The following SARM1 variants were observed in gnomAD, a reference collection of about 807,000 sequenced individuals.
The protein encoded by SARM1 is NAD(+) hydrolase SARM1.
A neutral mutation model predicts 65.1 loss-of-function variants in SARM1; 60 were observed. The ratio of observed to expected loss-of-function variants is 0.92; its 90% CI spans 0.75 to 1.14. The LOEUF (loss-of-function observed/expected upper bound fraction) is 1.14. Ranked by LOEUF, SARM1 falls within the 50% of genes most tolerant of loss-of-function variation. SARM1 has a pLI of 0.00. For missense variants in SARM1, 913 were observed against 1,015.7 expected (o/e 0.90, Z 1.37); for synonymous variants, 417 against 465.4 (o/e 0.90, Z 1.34).
intron 7 of SARM1, 91 bp downstream of exon 7, chr17:28,388,630 C>T (rs1325729471): frequency 5.9e-6 from 8 of 1,348,384 alleles, no homozygotes; most frequent in East Asian, 4.6e-5. Context: ...CTGCACATCC[C>T]GGCACACTTA....
chr17:28,384,286 G>C lies in SARM1; in HGVS notation c.1090-71G>C. ...TGGGTTGTGAGAAGAGACAAGGAGA[G>C]GGACTGGGCACGTGTGGGAGCACCT... On this transcript the variant is annotated intron_variant, in intron 2 of 8. Transcript: ENST00000585482. The surrounding 1 kb of genome is among the most constrained non-coding windows in gnomAD (Gnocchi z 4.4). The C allele has an allele frequency of 7.8e-7, 1 of 1,282,188 alleles. No homozygotes were observed. Among genetic ancestry groups the C allele is most frequent in the East Asian group, 2.4e-5 (1 of 41,768 alleles). The allele number at this position is 1,282,188 out of a possible 1,614,324, so 79.4% of individuals were successfully genotyped here.
chr17:28,385,034 G>T lies in SARM1; in HGVS notation c.1395-6G>T. ...ACCTCAGCGTCTTCTCCTCCGTGGGGTGCAGGTTCTTTAGGGAGCTCACGG... is the reference window on the plus strand; with the variant it reads ...ACCTCAGCGTCTTCTCCTCCGTGGGTTGCAGGTTCTTTAGGGAGCTCACGG... On this transcript the variant is annotated splice_polypyrimidine_tract_variant and splice_region_variant and intron_variant, in intron 4 of 8. Transcript: ENST00000585482. The surrounding 1 kb of genome is among the most constrained non-coding windows in gnomAD (Gnocchi z 4.5). 6.2e-7 allele frequency: 1 copy of T among 1,612,640 alleles called. No homozygotes were observed. Among genetic ancestry groups the T allele is most frequent in the Non-Finnish European group, 8.5e-7 (1 of 1,178,916 alleles).
In SARM1 at chr17:28,396,234, C is replaced by T; in HGVS notation, c.2123C>T (p.Ser708Phe). The T allele has an allele frequency of 1.2e-6, 2 of 1,614,010 alleles. No homozygotes were observed. The highest frequency in any genetic ancestry group is 1.7e-6 in the Non-Finnish European group (2 of 1,179,866). Reference protein sequence around the residue: ...FLQGRSSRDSSAGSDTSLEGA... With the variant: ...FLQGRSSRDSFAGSDTSLEGA... ...CAGGGCCGCTCCTCCCGGGACTCATCTGCAGGCTCTGACACCAGTTTGGAG... is the reference window on the plus strand; with the variant it reads ...CAGGGCCGCTCCTCCCGGGACTCATTTGCAGGCTCTGACACCAGTTTGGAG... Residue 708 changes from serine (S) to phenylalanine (F), a missense_variant, in exon 9 of 9, where the codon TCT (serine) becomes TTT (phenylalanine). Physicochemically the swap from Ser to Phe is radical, Grantham distance 155. Coordinates refer to ENST00000585482, the MANE Select transcript of SARM1 (RefSeq NM_015077.4).
chr17:28,387,173 A>G (rs1205267067), intron 5 of SARM1, among the ~76,000 whole-genome samples: 3 of 151,966 alleles, frequency 2.0e-5, no homozygotes, highest in Non-Finnish European at 4.4e-5. Context: ...GATTTTAGAA[A>G]GATGTTCTGG....
Position 28,402,138 on chromosome 17 carries a change from G to T in SARM1, c.*5852G>T, listed in dbSNP as rs1369934181. Reference sequence around the variant, plus strand: ...GCCACTTACTTCTCCAGGGTGAGAGGGGGGAAGGCAAGCTGTTCCCCCAGC... The same window carrying T: ...GCCACTTACTTCTCCAGGGTGAGAGTGGGGAAGGCAAGCTGTTCCCCCAGC... On this transcript the variant is annotated 3_prime_UTR_variant, in exon 9 of 9. Coordinates refer to ENST00000585482, the MANE Select transcript of SARM1 (RefSeq NM_015077.4). 4.0e-6 allele frequency: 4 copies of T among 1,012,452 alleles called. No homozygotes were observed. In the East Asian group the frequency reaches 7.9e-5, roughly 20 times the overall value. The allele number at this position is 1,012,452 out of a possible 1,614,324, so 62.7% of individuals were successfully genotyped here.
chr17:28,395,531 G>A (rs2068109841), intron 7 of SARM1: 1 of 193,996 alleles, frequency 5.2e-6, no homozygotes. Flanking sequence ...GCTGGGAGGT[G>A]GGGCTGAAAG....
chr17:28,386,164 G>A (rs533387941), intron 5 of SARM1, among the ~76,000 whole-genome samples: 1 of 152,264 alleles, frequency 6.6e-6, no homozygotes, highest in East Asian at 1.9e-4. Flanking sequence ...AATTAGCTAG[G>A]TGTGGTGGCG....
chr17:28,387,281 A>G (rs1244844248), intron 5 of SARM1, among the ~76,000 whole-genome samples: 1 of 148,538 alleles, frequency 6.7e-6, no homozygotes, highest in East Asian at 2.0e-4. Flanking sequence ...CGCCCAGGCT[A>G]GAGTGCGGTG....
rs2067964580 is a variant in SARM1, at chr17:28,372,575, C to G, written c.470+73C>G. On this transcript the variant is annotated intron_variant, in intron 1 of 8. Transcript: ENST00000585482. This position sits in a 1 kb window ranked among gnomAD's most constrained non-coding sequence, Gnocchi z 5.2. ...GTTAAGCGCCTGCGTTCCCGTGTGC[C>G]TTGCGCCGTGCCTTTGCCTCCCTCA... 2 of 1,238,292 alleles carry G rather than the reference C, an allele frequency of 1.6e-6. No homozygotes were observed. Among genetic ancestry groups the G allele is most frequent in the Non-Finnish European group, 2.2e-6 (2 of 917,484 alleles). The allele number at this position is 1,238,292 out of a possible 1,614,324, so 76.7% of individuals were successfully genotyped here. A position where few individuals can be genotyped will look rare whatever the true frequency, so the allele number is the denominator to read the frequency against.
intron 7 of SARM1, among the ~76,000 whole-genome samples, chr17:28,389,676 A>C (rs1314194113): frequency 6.6e-6 from 1 of 152,190 alleles, no homozygotes; most frequent in Non-Finnish European, 1.5e-5. Flanking sequence ...ACTTGAGGTC[A>C]GGAGTTCGAG....
chr17:28,386,410 G>A (rs972793234), intron 5 of SARM1, among the ~76,000 whole-genome samples: 2 of 151,452 alleles, frequency 1.3e-5, no homozygotes, highest in Non-Finnish European at 2.9e-5. Context: ...TTCCATCATG[G>A]GTGTTCCTTT....
At position 28,381,602 on chromosome 17, in the gene SARM1, G is replaced by A. The variant is rs1555585294; in HGVS notation, c.870G>A (p.Ser290=). 1.3e-6 allele frequency: 2 copies of A among 1,585,738 alleles called. No homozygotes were observed. Among genetic ancestry groups the A allele is most frequent in the Middle Eastern group, 1.7e-4 (1 of 6,012 alleles). Residue 290 remains serine, a synonymous_variant, in exon 2 of 9, where the codon TCG becomes TCA. Coordinates refer to ENST00000585482, the MANE Select transcript of SARM1 (RefSeq NM_015077.4). ...AGGTGGAGCGCGAGGTGGAGCGCTC[G>A]GGCACGCTGGCGCTCGTGGAGCCGC... ...NKEVEREVER[S]GTLALVEPLV... is the part of the protein sequence containing the mutation.
Position 28,384,730 on chromosome 17 carries a change from G to T in SARM1, c.1303-109G>T. On this transcript the variant is annotated intron_variant, in intron 3 of 8. Transcript: ENST00000585482. This position sits in a 1 kb window ranked among gnomAD's most constrained non-coding sequence, Gnocchi z 4.4. The stretch of plus-strand genomic sequence containing the variant: ...TTAGGGTCACTCGGCTCTGATCTAG[G>T]TCCCATCCGCCTCCTCCACGCCATC... 1 of 1,243,280 alleles carries T rather than the reference G, an allele frequency of 8.0e-7. No individual in the cohort carries two copies. The highest frequency in any genetic ancestry group is 1.1e-6 in the Non-Finnish European group (1 of 874,652). The allele number at this position is 1,243,280 out of a possible 1,614,324, so 77.0% of individuals were successfully genotyped here.
Position 28,372,537 on chromosome 17 carries a change from C to A in SARM1, c.470+35C>A. On this transcript the variant is annotated intron_variant, in intron 1 of 8. Coordinates refer to ENST00000585482, the MANE Select transcript of SARM1 (RefSeq NM_015077.4). The surrounding 1 kb of genome is among the most constrained non-coding windows in gnomAD (Gnocchi z 5.2). ...CCAGGCCGGGGTTGGGAGAGCGCCG[C>A]GTGGTGTGGACAGTTAAGCGCCTGC... The A allele has an allele frequency of 6.8e-7, 1 of 1,479,724 alleles. No individual in the cohort carries two copies. Among genetic ancestry groups the A allele is most frequent in the Non-Finnish European group, 9.0e-7 (1 of 1,113,680 alleles). 91.7% of individuals were successfully genotyped at this position (1,479,724 alleles called of 1,614,324 possible).
chr17:28,393,748 CAAGGGCTAACTAT>C (rs1316893097), intron 7 of SARM1, among the ~76,000 whole-genome samples: 5 of 152,104 alleles, frequency 3.3e-5, no homozygotes, highest in African/African-American at 4.8e-5. Flanking sequence ...AAATATTTAG[CAAGGGCTAACTAT>C]AAGGGCTTTG....
chr17:28,389,582 A>C (rs1369927595), intron 7 of SARM1, among the ~76,000 whole-genome samples: 1 of 152,172 alleles, frequency 6.6e-6, no homozygotes, highest in Non-Finnish European at 1.5e-5. Context: ...CAGTCAGCTC[A>C]GAGACAAGAA....
chr17:28,389,623 C>T lies in SARM1; in HGVS notation c.1923+1084C>T, dbSNP rs189995115. On this transcript the variant is annotated intron_variant, in intron 7 of 8. Coordinates refer to ENST00000585482, the MANE Select transcript of SARM1 (RefSeq NM_015077.4). ...CCAGAGGGCTGGGCACAGTGGTTCA[C>T]ACCCGTAATCCCAGCACTTTGGGAG... 3.3e-5 allele frequency among the ~76,000 whole-genome samples: 5 copies of T among 152,312 alleles called. No homozygotes were observed. The East Asian group carries it at 7.7e-4, about 24-fold the overall frequency.
At chr17:28,376,403 CAAAAAAAA>C (rs58695374) in intron 1 of SARM1, among the ~76,000 whole-genome samples, 8 of 84,002 alleles carry the variant, frequency 9.5e-5, no homozygotes, top group African/African-American at 2.3e-4. Flanking sequence ...ACTAAAAATA[CAAAAAAAA>C]AAAAAAAAAA....
rs371603376 is a variant in SARM1 at position 28,385,195 on chromosome 17, G to A, written c.1550G>A (p.Arg517His). The stretch of plus-strand genomic sequence containing the variant: ...GGCCTGGACCGCTCCCTGCTGCACC[G>A]CGTGTCTGAGCAGCAGCTGCTGGAA... ...SCGLDRSLLH[R>H]VSEQQLLEDC... The change falls in exon 5 of 9, where the codon CGC becomes CAC. Residue 517 changes from arginine (R) to histidine (H), a missense_variant. Arg to His is a conservative substitution (Grantham distance 29, BLOSUM62 0). This residue lies in a region of SARM1 where 862 missense variants were observed against 952.1 expected (regional missense o/e 0.91). Transcript: ENST00000585482. The surrounding 1 kb of genome is among the most constrained non-coding windows in gnomAD (Gnocchi z 4.5). 1 of 1,606,464 alleles carries A rather than the reference G, an allele frequency of 6.2e-7. No individual in the cohort carries two copies. The highest frequency in any genetic ancestry group is 8.5e-7 in the Non-Finnish European group (1 of 1,177,958).
Sources: gnomAD v4.1 joint callset for allele counts (sites outside exome capture counted in the v4.1 genomes callset) on GRCh38, gnomAD v4.1.1 for gene constraint, gnomAD v4.1.1 regional missense constraint, Gnocchi (gnomAD v3.1) non-coding constraint, MANE v1.5 for transcripts, NCBI Gene and HGNC (gene_info 2026-07-23, HGNC 2026-07-21) for gene names.